Variants in SLC25A12 observed in about 807,000 individuals in gnomAD.
The protein encoded by SLC25A12 is electrogenic aspartate/glutamate antiporter SLC25A12, mitochondrial.
In SLC25A12, 32 loss-of-function variants were observed where a neutral mutation model predicts 83.3. That is an observed-to-expected ratio of 0.38 (90% confidence interval 0.29 to 0.52). SLC25A12 has a LOEUF of 0.52. SLC25A12 is among the 20% of genes least tolerant of loss of function. The pLI is 0.84. For synonymous variants in SLC25A12, 267 were observed against 291.1 expected (o/e 0.92, Z 0.84); for missense variants, 611 against 835.6 (o/e 0.73, Z 3.31).
At chr2:171,815,999 A>G (rs142561115) in intron 9 of SLC25A12, among the ~76,000 whole-genome samples, 2,830 of 151,952 alleles carry the variant, frequency 0.019, 57 homozygotes, top group Admixed American at 0.067. Flanking sequence ...TAGAAATTAT[A>G]GAATGAGATA....
At chr2:171,878,500 C>T (rs1037837982) in intron 2 of SLC25A12, among the ~76,000 whole-genome samples, 4 of 152,126 alleles carry the variant, frequency 2.6e-5, no homozygotes, top group Non-Finnish European at 5.9e-5. Context: ...ATTGTTCTAA[C>T]CTTTCATCTC....
chr2:171,785,796 AT>A (rs1228621853), intron 17 of SLC25A12, among the ~76,000 whole-genome samples: 1 of 152,032 alleles, frequency 6.6e-6, no homozygotes, highest in Non-Finnish European at 1.5e-5. Context: ...ATTATGGATG[AT>A]TTTTTTCTTT....
chr2:171,885,768 G>C (rs982437342), intron 2 of SLC25A12, among the ~76,000 whole-genome samples: 32 of 152,110 alleles, frequency 2.1e-4, no homozygotes, highest in African/African-American at 7.5e-4. Context: ...TAATAGCATG[G>C]TTAATAAAAC....
chr2:171,807,246 T>C (rs1416477680), intron 13 of SLC25A12, among the ~76,000 whole-genome samples: 1 of 152,182 alleles, frequency 6.6e-6, no homozygotes, highest in East Asian at 1.9e-4. Flanking sequence ...AACCTGACTA[T>C]TTTTCATGCT....
At chr2:171,873,081 T>C (rs200378135) in intron 2 of SLC25A12, among the ~76,000 whole-genome samples, 3 of 152,166 alleles carry the variant, frequency 2.0e-5, no homozygotes, top group East Asian at 3.9e-4. Flanking sequence ...CTATCCTTGA[T>C]GGCAACATAA....
At chr2:171,829,548 T>G (rs184755370) in intron 8 of SLC25A12, among the ~76,000 whole-genome samples, 4 of 152,026 alleles carry the variant, frequency 2.6e-5, no homozygotes, top group Non-Finnish European at 5.9e-5. Flanking sequence ...AGGGGAACAC[T>G]CTATTCAACT....
At chr2:171,835,762 A>T (rs1053443646) in intron 6 of SLC25A12, among the ~76,000 whole-genome samples, 1 of 152,222 alleles carries the variant, frequency 6.6e-6, no homozygotes, top group Non-Finnish European at 1.5e-5. Context: ...CAAATAGTGT[A>T]GGTAATGATG....
intron 9 of SLC25A12, among the ~76,000 whole-genome samples, chr2:171,825,740 C>G (rs1684287666): frequency 6.6e-6 from 1 of 152,194 alleles, no homozygotes; most frequent in Non-Finnish European, 1.5e-5. Context: ...CTAACCCTTA[C>G]CCACACACAA....
chr2:171,790,583 G>A (rs1683432441), intron 15 of SLC25A12, among the ~76,000 whole-genome samples: 1 of 152,124 alleles, frequency 6.6e-6, no homozygotes, highest in Non-Finnish European at 1.5e-5. Flanking sequence ...CATTTATTGA[G>A]CACCTATTAC....
At chr2:171,868,920 T>G (rs1347896165) in intron 2 of SLC25A12, 97 bp from the exon 3 acceptor site, 8 of 1,051,302 alleles carry the variant, frequency 7.6e-6, no homozygotes, top group Admixed American at 2.2e-5. Flanking sequence ...AGGCCAGTAT[T>G]AAAATCAAAA....
chr2:171,886,701 A>C (rs191497230), intron 2 of SLC25A12, among the ~76,000 whole-genome samples: 17 of 151,974 alleles, frequency 1.1e-4, no homozygotes, highest in African/African-American at 4.1e-4. Context: ...TTGTAGAGAC[A>C]GGGTTTCACC....
At chr2:171,815,983 C>CA (rs1163046519) in intron 9 of SLC25A12, among the ~76,000 whole-genome samples, 1 of 145,470 alleles carries the variant, frequency 6.9e-6, no homozygotes, top group Non-Finnish European at 1.5e-5. Context: ...AAAGTATATA[C>CA]AAAAATAGAA....
At chr2:171,884,373 T>A (rs543463619) in intron 2 of SLC25A12, among the ~76,000 whole-genome samples, 14 of 151,786 alleles carry the variant, frequency 9.2e-5, no homozygotes, top group Non-Finnish European at 1.3e-4. Context: ...GTATTTTTAG[T>A]AGAGACGGGG....
intron 4 of SLC25A12, among the ~76,000 whole-genome samples, chr2:171,849,051 C>T (rs149514706): frequency 1.4e-4 from 21 of 152,116 alleles, no homozygotes; most frequent in African/African-American, 5.1e-4. Context: ...ATTAGTTGGG[C>T]GTGGTGGCAC....
intron 14 of SLC25A12, among the ~76,000 whole-genome samples, chr2:171,793,140 T>A (rs1424693799): frequency 6.6e-6 from 1 of 151,552 alleles, no homozygotes; most frequent in Admixed American, 6.6e-5. Flanking sequence ...TTTTTTTTAA[T>A]GGAATTCATT....
At chr2:171,824,837 C>G (rs974096875) in intron 9 of SLC25A12, among the ~76,000 whole-genome samples, 1 of 151,838 alleles carries the variant, frequency 6.6e-6, no homozygotes, top group Admixed American at 6.6e-5. Flanking sequence ...CAGAGTCTCA[C>G]TCTGTTGCCC....
At chr2:171,790,712 A>ATT (rs577150841) in intron 15 of SLC25A12, among the ~76,000 whole-genome samples, 3 of 147,508 alleles carry the variant, frequency 2.0e-5, no homozygotes, top group African/African-American at 7.4e-5. Context: ...TAAAAGACAA[A>ATT]TTTTTTTTTT....
At chr2:171,884,146 G>A (rs745318865) in intron 2 of SLC25A12, among the ~76,000 whole-genome samples, 20 of 148,932 alleles carry the variant, frequency 1.3e-4, no homozygotes, top group Non-Finnish European at 2.5e-4. Flanking sequence ...TCCCAAAGAG[G>A]TGGGATTACA....
intron 3 of SLC25A12, among the ~76,000 whole-genome samples, chr2:171,866,537 G>A (rs1412459845): frequency 3.3e-5 from 4 of 121,550 alleles, no homozygotes; most frequent in South Asian, 2.6e-4. Context: ...AGGGGCGGCC[G>A]GGCAGAGGCG....
Sources: gnomAD v4.1 joint callset for allele counts (sites outside exome capture counted in the v4.1 genomes callset) on GRCh38, gnomAD v4.1.1 for gene constraint, MANE v1.5 for transcripts, NCBI Gene and HGNC (gene_info 2026-07-23, HGNC 2026-07-21) for gene names.